Variants in ITGA8 observed in about 807,000 individuals in gnomAD.
ITGA8 encodes the protein integrin alpha-8.
ITGA8 carries 91 observed loss-of-function variants against 142.3 expected under a neutral mutation model. The observed-to-expected ratio is 0.64, with a 90% CI of 0.54 to 0.76. The LOEUF is 0.76. Ranked by LOEUF, ITGA8 falls within the 30% of genes least tolerant of loss-of-function variation. ITGA8 has a pLI of 0.00. For synonymous variants in ITGA8, 505 were observed against 485.2 expected (o/e 1.04, Z -0.54); for missense variants, 1,406 against 1,327.7 (o/e 1.06, Z -0.92).
At chr10:15,541,517 T>A (rs1326226961) in intron 27 of ITGA8, among the ~76,000 whole-genome samples, 1 of 152,254 alleles carries the variant, frequency 6.6e-6, no homozygotes, top group Non-Finnish European at 1.5e-5. Flanking sequence ...AGGGATAATT[T>A]GTTGTGATCT....
At chr10:15,632,463 G>A (rs1833701172) in intron 13 of ITGA8, among the ~76,000 whole-genome samples, 1 of 152,194 alleles carries the variant, frequency 6.6e-6, no homozygotes, top group Non-Finnish European at 1.5e-5. Flanking sequence ...TTTCATAAAT[G>A]CAGCTGTGAG....
chr10:15,664,812 C>G (rs1834356632), intron 8 of ITGA8, among the ~76,000 whole-genome samples: 1 of 152,002 alleles, frequency 6.6e-6, no homozygotes, highest in Non-Finnish European at 1.5e-5. Flanking sequence ...TGATGGTTTC[C>G]AGTTTCATCC....
At chr10:15,564,872 G>C (rs539522192) in intron 25 of ITGA8, among the ~76,000 whole-genome samples, 1 of 152,226 alleles carries the variant, frequency 6.6e-6, no homozygotes, top group African/African-American at 2.4e-5. Flanking sequence ...CCGAAGTGGA[G>C]ACAAGCCCTG....
chr10:15,611,014 C>T (rs1372323287), intron 15 of ITGA8, among the ~76,000 whole-genome samples: 1 of 152,126 alleles, frequency 6.6e-6, no homozygotes, highest in African/African-American at 2.4e-5. Context: ...AAAACTACAC[C>T]GCTGTTTGAA....
chr10:15,522,875 G>A (rs576677974), intron 28 of ITGA8, among the ~76,000 whole-genome samples: 2 of 152,152 alleles, frequency 1.3e-5, no homozygotes, highest in Admixed American at 1.3e-4. Context: ...AGCTAGGCAT[G>A]GTGGCAGACA....
chr10:15,616,425 A>G, intron 14 of ITGA8, 89 bp downstream of exon 14: 1 of 976,522 alleles, frequency 1.0e-6, no homozygotes, highest in African/African-American at 1.6e-5. Flanking sequence ...CCCAGAATAA[A>G]TCGTTGGAAT....
At chr10:15,714,928 G>A (rs1475967500) in intron 2 of ITGA8, among the ~76,000 whole-genome samples, 2 of 152,178 alleles carry the variant, frequency 1.3e-5, no homozygotes, top group African/African-American at 2.4e-5. Context: ...TACTTAGGAT[G>A]TCTTGAATTC....
chr10:15,642,299 T>C (rs754805095), intron 13 of ITGA8, among the ~76,000 whole-genome samples: 2 of 152,194 alleles, frequency 1.3e-5, no homozygotes, highest in Admixed American at 6.5e-5. Context: ...GGGACGTGTT[T>C]AGCCTTGGAA....
chr10:15,597,005 T>C (rs1244434767), intron 21 of ITGA8: 1 of 562,432 alleles, frequency 1.8e-6, no homozygotes, highest in Non-Finnish European at 3.2e-6. Context: ...TAGAAGAGCA[T>C]GCATCTTTCT....
At chr10:15,537,341 A>C (rs773410725) in intron 27 of ITGA8, among the ~76,000 whole-genome samples, 1 of 152,212 alleles carries the variant, frequency 6.6e-6, no homozygotes, top group Non-Finnish European at 1.5e-5. Context: ...AAATAAGCAG[A>C]AACTGTGGCA....
At chr10:15,568,338 G>A (rs1834114179) in intron 25 of ITGA8, among the ~76,000 whole-genome samples, 1 of 152,206 alleles carries the variant, frequency 6.6e-6, no homozygotes, top group Admixed American at 6.5e-5. Flanking sequence ...CAAGTGAGAT[G>A]GTTGTGGATG....
At chr10:15,552,570 A>G (rs1427287526) in intron 26 of ITGA8, among the ~76,000 whole-genome samples, 1 of 152,228 alleles carries the variant, frequency 6.6e-6, no homozygotes, top group Non-Finnish European at 1.5e-5. Context: ...ATTCTGGGAT[A>G]CATGTACAGA....
chr10:15,581,322 A>C (rs924660414), intron 23 of ITGA8, among the ~76,000 whole-genome samples: 12 of 152,194 alleles, frequency 7.9e-5, no homozygotes, highest in African/African-American at 2.9e-4. Context: ...GCCTATTATC[A>C]CATGTCAATA....
intron 11 of ITGA8, among the ~76,000 whole-genome samples, chr10:15,653,691 T>G (rs879323615): frequency 6.6e-6 from 1 of 152,218 alleles, no homozygotes; most frequent in Non-Finnish European, 1.5e-5. Flanking sequence ...AAACACTGCC[T>G]TGTTCCTGAT....
At position 15,683,672 on chromosome 10, in the gene ITGA8, A is replaced by G. The variant is rs1891053; in HGVS notation, c.568+332T>C. On this transcript the variant is annotated intron_variant, in intron 4 of 29. Transcript: ENST00000378076. ...CTAACACCGTTTTGGCAATAAACAAATAAAGTGGGCAGTCAGCATTCTTTA... is the reference window on the plus strand; with the variant it reads ...CTAACACCGTTTTGGCAATAAACAAGTAAAGTGGGCAGTCAGCATTCTTTA... Among the ~76,000 whole-genome samples, 143,696 of 152,324 alleles carry G rather than the reference A, an allele frequency of 0.94. 68,195 individuals carry two copies. Among genetic ancestry groups the G allele is most frequent in the Non-Finnish European group, 0.99 (67,302 of 68,044 alleles).
chr10:15,643,232 A>G (rs540783875), intron 13 of ITGA8, among the ~76,000 whole-genome samples: 2 of 152,240 alleles, frequency 1.3e-5, no homozygotes, highest in Non-Finnish European at 2.9e-5. Flanking sequence ...TTTTTTCTCC[A>G]CTTTAAAATG....
At chr10:15,670,259 AC>A (rs763133599) in intron 8 of ITGA8, among the ~76,000 whole-genome samples, 4 of 152,236 alleles carry the variant, frequency 2.6e-5, no homozygotes, top group Non-Finnish European at 4.4e-5. Context: ...AATAAATATT[AC>A]CCGTTGAGTG....
chr10:15,616,439 CTCTT>C, intron 14 of ITGA8, 71 bp downstream of exon 14: 1 of 1,109,318 alleles, frequency 9.0e-7, no homozygotes. Context: ...TTGGAATGCT[CTCTT>C]TAAGGCAGAA....
chr10:15,717,862 C>T (rs1002362589), intron 2 of ITGA8, among the ~76,000 whole-genome samples: 1 of 152,162 alleles, frequency 6.6e-6, no homozygotes, highest in South Asian at 2.1e-4. Context: ...ATTCCATATA[C>T]GCACTAATCA....
Sources: allele counts gnomAD v4.1 joint callset (sites outside exome capture counted in the v4.1 genomes callset), GRCh38; gene constraint gnomAD v4.1.1; transcripts MANE v1.5; gene names NCBI Gene and HGNC (gene_info 2026-07-23, HGNC 2026-07-21).